PRR16: variants seen among roughly 807,000 people sequenced by gnomAD.
The protein encoded by PRR16 is proline rich 16, also known as protein Largen.
A neutral mutation model predicts 18.2 loss-of-function variants in PRR16; 6 were observed. The ratio of observed to expected loss-of-function variants is 0.33; its 90% confidence interval spans 0.18 to 0.65. PRR16 has a LOEUF of 0.65. Among genes scored for constraint, PRR16 ranks in the 30% least tolerant of loss-of-function variants. The pLI is 0.74. For synonymous variants in PRR16, 151 were observed against 147.8 expected, an observed-to-expected ratio of 1.02 and a Z score of -0.16; for missense variants, 412 against 376.6, an observed-to-expected ratio of 1.09 and a Z score of -0.78.
chr5:120,686,039 GTAGC>G lies in PRR16; in HGVS notation c.247_250del (p.Ser83GlnfsTer9). ...AGCTCCAAAACGGACACGCTGAATA[GTAGC>G]TCAAGTGGCACAACAGCCTCCAGCC... On this transcript the variant is annotated frameshift_variant, in exon 2 of 2. Transcript: ENST00000407149. LOFTEE classifies it high-confidence loss of function. 6.2e-7 allele frequency: 1 copy of G among 1,614,114 alleles called. No homozygotes were observed. The highest frequency in any genetic ancestry group is 8.5e-7 in the Non-Finnish European group (1 of 1,180,020).
At chr5:120,733,464 G>A in the PRR16 span, among the ~76,000 whole-genome samples, 2 of 152,218 alleles carry the variant, frequency 1.3e-5, no homozygotes, top group East Asian at 1.9e-4. Flanking sequence ...ATGGTAGACT[G>A]TAATATTATA....
intron 1 of PRR16, among the ~76,000 whole-genome samples, chr5:120,499,174 A>G (rs1221263418): frequency 2.0e-5 from 3 of 149,430 alleles, no homozygotes; most frequent in Non-Finnish European, 4.4e-5. Flanking sequence ...CAATGGCGTG[A>G]TCTCGGCTCA....
the PRR16 span, among the ~76,000 whole-genome samples, chr5:120,789,461 A>T: frequency 6.6e-6 from 1 of 152,162 alleles, no homozygotes; most frequent in Admixed American, 6.6e-5. Context: ...ATTCTCTGCT[A>T]TATCAAGGAA....
the PRR16 span, among the ~76,000 whole-genome samples, chr5:120,714,750 C>G: frequency 6.6e-6 from 1 of 152,070 alleles, no homozygotes; most frequent in African/African-American, 2.4e-5. Context: ...AAAGGCCCAT[C>G]AATGATAGAC....
At chr5:120,565,930 G>T (rs937365887) in intron 1 of PRR16, among the ~76,000 whole-genome samples, 3 of 152,136 alleles carry the variant, frequency 2.0e-5, no homozygotes, top group Admixed American at 6.5e-5. Flanking sequence ...TTGATAGTTT[G>T]ATTTAGCTTA....
intron 1 of PRR16, among the ~76,000 whole-genome samples, chr5:120,484,918 A>G (rs147726890): frequency 0.011 from 1,621 of 151,684 alleles, 14 homozygotes; most frequent in Middle Eastern, 0.018. Context: ...TTAATTTCTT[A>G]TATCATTTAA....
At chr5:120,605,262 T>G (rs2112796107) in intron 1 of PRR16, among the ~76,000 whole-genome samples, 1 of 152,354 alleles carries the variant, frequency 6.6e-6, no homozygotes, top group East Asian at 1.9e-4. Context: ...TTTTATTTTT[T>G]TCTACTTGAG....
chr5:120,753,794 C>T, the PRR16 span, among the ~76,000 whole-genome samples: 4 of 141,528 alleles, frequency 2.8e-5, no homozygotes, highest in South Asian at 6.4e-4. Context: ...TATATGTACT[C>T]TAACATCCCT....
Position 120,464,469 on chromosome 5 carries a change from C to G in PRR16, c.-18C>G. 47 of 1,577,250 alleles carry G rather than the reference C, an allele frequency of 3.0e-5. No homozygotes were observed. The highest frequency in any genetic ancestry group is 3.9e-5 in the Non-Finnish European group (46 of 1,169,990). ...CGCTCGCCCGCCTGTCCTGACCTGC[C>G]TCGCTTGCCCCCAAAGAATGTCAGC... is the stretch of plus-strand genomic sequence containing the variant. On this transcript the variant is annotated 5_prime_UTR_variant, in exon 1 of 2. Transcript: ENST00000407149.
At chr5:120,769,968 G>A in the PRR16 span, among the ~76,000 whole-genome samples, 29 of 151,854 alleles carry the variant, frequency 1.9e-4, no homozygotes, top group African/African-American at 3.4e-4. Context: ...GAGGTTGAGC[G>A]TCTTTTCTTA....
chr5:120,591,542 T>C (rs1294551211), intron 1 of PRR16, among the ~76,000 whole-genome samples: 1 of 151,918 alleles, frequency 6.6e-6, no homozygotes, highest in Non-Finnish European at 1.5e-5. Context: ...AATTATACAT[T>C]ATTAAGTAAA....
downstream of PRR16, among the ~76,000 whole-genome samples, chr5:120,690,783 T>C (rs150053606): frequency 3.4e-3 from 521 of 152,300 alleles, 3 homozygotes; most frequent in African/African-American, 0.012. Context: ...AAACTGCAGT[T>C]AGCCTTATCT....
chr5:120,582,143 CCTT>C (rs1221191440), intron 1 of PRR16, among the ~76,000 whole-genome samples: 1 of 152,126 alleles, frequency 6.6e-6, no homozygotes, highest in Admixed American at 6.5e-5. Context: ...GATGAAATCA[CCTT>C]CTTTCAGCAA....
chr5:120,571,357 T>C (rs1349770148), intron 1 of PRR16, among the ~76,000 whole-genome samples: 1 of 151,836 alleles, frequency 6.6e-6, no homozygotes, highest in Non-Finnish European at 1.5e-5. Flanking sequence ...GCAGTGGGAG[T>C]GTGCTTGGTG....
At chr5:120,708,154 C>T in the PRR16 span, among the ~76,000 whole-genome samples, 285 of 152,274 alleles carry the variant, frequency 1.9e-3, no homozygotes, top group African/African-American at 6.5e-3. Flanking sequence ...ATTCTCATCC[C>T]AGTTAAATCT....
chr5:120,645,579 T>G (rs888854318), intron 1 of PRR16, among the ~76,000 whole-genome samples: 1 of 152,096 alleles, frequency 6.6e-6, no homozygotes, highest in South Asian at 2.1e-4. Context: ...GGTAATGTGA[T>G]ATATAAGTAT....
chr5:120,766,983 T>A, the PRR16 span, among the ~76,000 whole-genome samples: 1 of 151,926 alleles, frequency 6.6e-6, no homozygotes, highest in Non-Finnish European at 1.5e-5. Context: ...GAAATTGGAA[T>A]ACTAAGAGAA....
chr5:120,717,019 C>T, the PRR16 span, among the ~76,000 whole-genome samples: 1 of 152,090 alleles, frequency 6.6e-6, no homozygotes, highest in African/African-American at 2.4e-5. Flanking sequence ...TGGACGTGGC[C>T]CATATACTCA....
At chr5:120,746,989 A>C in the PRR16 span, among the ~76,000 whole-genome samples, 1 of 152,216 alleles carries the variant, frequency 6.6e-6, no homozygotes, top group Non-Finnish European at 1.5e-5. Context: ...AAGTGAAAAA[A>C]TTAAAATATT....
Sources: gnomAD v4.1 joint callset for allele counts (sites outside exome capture counted in the v4.1 genomes callset) on GRCh38, gnomAD v4.1.1 for gene constraint, MANE v1.5 for transcripts, NCBI Gene and HGNC (gene_info 2026-07-23, HGNC 2026-07-21) for gene names.